The following CORIN variants were observed in gnomAD, a reference collection of about 807,000 sequenced individuals.
CORIN encodes the protein atrial natriuretic peptide-converting enzyme.
In CORIN, 117 loss-of-function variants were observed where a neutral mutation model predicts 125.3. That is an observed-to-expected ratio of 0.93 (90% CI 0.80 to 1.09). The LOEUF (loss-of-function observed/expected upper bound fraction) is 1.09. Among genes scored for constraint, CORIN ranks in the 50% least tolerant of loss-of-function variants. The pLI, the probability that CORIN is intolerant of heterozygous loss-of-function variation, is 0.00. For missense variants in CORIN, 1,253 were observed against 1,306.7 expected, an observed-to-expected ratio of 0.96 and a Z score of 0.63; for synonymous variants, 450 against 466.4, an observed-to-expected ratio of 0.96 and a Z score of 0.45.
At chr4:47,607,705 A>G (rs1409457738) in intron 19 of CORIN, among the ~76,000 whole-genome samples, 1 of 152,196 alleles carries the variant, frequency 6.6e-6, no homozygotes, top group Non-Finnish European at 1.5e-5. Flanking sequence ...AATGGCAAAG[A>G]CAGCCCTGTG....
intron 8 of CORIN, among the ~76,000 whole-genome samples, chr4:47,678,528 A>G (rs10008377): frequency 6.6e-6 from 1 of 152,192 alleles, no homozygotes; most frequent in East Asian, 1.9e-4. Flanking sequence ...TCTCAGCCCC[A>G]ATATTTCATT....
chr4:47,791,171 A>G (rs985667028), intron 2 of CORIN, among the ~76,000 whole-genome samples: 1 of 152,168 alleles, frequency 6.6e-6, no homozygotes, highest in African/African-American at 2.4e-5. Context: ...GGTGAGCCCA[A>G]TGTAATCACA....
intron 4 of CORIN, among the ~76,000 whole-genome samples, chr4:47,746,375 A>G (rs1728664505): frequency 1.3e-5 from 2 of 152,208 alleles, no homozygotes; most frequent in Admixed American, 1.3e-4. Context: ...ACAAATAAGG[A>G]AAGAAGCACA....
intron 3 of CORIN, among the ~76,000 whole-genome samples, chr4:47,778,617 C>A (rs1319688135): frequency 2.6e-5 from 4 of 152,212 alleles, no homozygotes; most frequent in African/African-American, 9.6e-5. Context: ...AGAATGCTGA[C>A]AACCAAACAA....
At chr4:47,729,259 T>C (rs1028410391) in intron 5 of CORIN, among the ~76,000 whole-genome samples, 7 of 152,334 alleles carry the variant, frequency 4.6e-5, no homozygotes, top group African/African-American at 1.2e-4. Flanking sequence ...AAATGTTAAA[T>C]ACCAGAAAAG....
chr4:47,595,314 G>C lies in CORIN; in HGVS notation c.*407C>G, dbSNP rs1163697726. The C allele has an allele frequency of 6.5e-6, 1 of 153,474 alleles. No individual in the cohort carries two copies. Among genetic ancestry groups the C allele is most frequent in the Non-Finnish European group, 1.5e-5 (1 of 68,954 alleles). The allele number at this position is 153,474 out of a possible 1,614,324, so 9.5% of individuals were successfully genotyped here. Reference sequence around the variant, plus strand: ...ATTTACCACTATGCACTGAGCTTGAGAAACAAAAACTGGTAGAGATAATTA... The same window carrying C: ...ATTTACCACTATGCACTGAGCTTGACAAACAAAAACTGGTAGAGATAATTA... On this transcript the variant is annotated 3_prime_UTR_variant, in exon 22 of 22. Coordinates refer to ENST00000273857, the MANE Select transcript of CORIN (RefSeq NM_006587.4).
intron 13 of CORIN, among the ~76,000 whole-genome samples, chr4:47,646,206 T>C (rs1248152133): frequency 6.6e-6 from 1 of 152,220 alleles, no homozygotes; most frequent in Non-Finnish European, 1.5e-5. Flanking sequence ...TAAGCAAATA[T>C]GCCAAAGTCT....
chr4:47,635,008 T>C (rs1217585681), intron 16 of CORIN, among the ~76,000 whole-genome samples: 2 of 152,236 alleles, frequency 1.3e-5, no homozygotes, highest in Non-Finnish European at 2.9e-5. Flanking sequence ...TCAGTTTGTA[T>C]GTTAGTTTTA....
intron 19 of CORIN, among the ~76,000 whole-genome samples, chr4:47,605,204 A>G (rs1721604393): frequency 6.6e-6 from 1 of 151,960 alleles, no homozygotes; most frequent in Admixed American, 6.6e-5. Context: ...TTCTTCTCAT[A>G]CTATCCATTG....
At chr4:47,676,504 T>C (rs1725024040) in intron 9 of CORIN, among the ~76,000 whole-genome samples, 1 of 152,200 alleles carries the variant, frequency 6.6e-6, no homozygotes, top group African/African-American at 2.4e-5. Context: ...CTTCTTAGCC[T>C]CTGTTGCTGC....
intron 4 of CORIN, among the ~76,000 whole-genome samples, chr4:47,759,670 G>A (rs1237210057): frequency 2.6e-5 from 4 of 152,078 alleles, no homozygotes; most frequent in Non-Finnish European, 5.9e-5. Flanking sequence ...TCCCACCACT[G>A]CTTTATCAAA....
Position 47,830,701 on chromosome 4 carries a change from T to C in CORIN, c.63+7186A>G, listed in dbSNP as rs57834205. Among the ~76,000 whole-genome samples, 812 of 152,304 alleles carry C rather than the reference T, an allele frequency of 5.3e-3. 7 individuals carry two copies. The highest frequency in any genetic ancestry group is 0.019 in the African/African-American group (784 of 41,546). ...GCTATGGCTTTCACTTCTTGGGAAGTTGTGGTGCTATTACCAGAAAAATTC... is the reference window on the plus strand; with the variant it reads ...GCTATGGCTTTCACTTCTTGGGAAGCTGTGGTGCTATTACCAGAAAAATTC... On this transcript the variant is annotated intron_variant, in intron 1 of 21. Coordinates refer to ENST00000273857, the MANE Select transcript of CORIN (RefSeq NM_006587.4).
chr4:47,597,310 C>T (rs1305089770), intron 21 of CORIN, among the ~76,000 whole-genome samples: 1 of 150,668 alleles, frequency 6.6e-6, no homozygotes, highest in Non-Finnish European at 1.5e-5. Context: ...TGAGATCACA[C>T]CACTGCACTC....
intron 19 of CORIN, among the ~76,000 whole-genome samples, chr4:47,617,222 T>C (rs1434012982): frequency 6.6e-6 from 1 of 152,212 alleles, no homozygotes; most frequent in Non-Finnish European, 1.5e-5. Context: ...CTGATTGTGT[T>C]AGATGCTCAT....
chr4:47,830,681 G>A (rs1732945372), intron 1 of CORIN, among the ~76,000 whole-genome samples: 1 of 152,162 alleles, frequency 6.6e-6, no homozygotes, highest in Admixed American at 6.5e-5. Flanking sequence ...GTCTAGCTAT[G>A]GCTTTCACTT....
rs115601651 is a variant in CORIN at position 47,817,396 on chromosome 4, G to T, written c.64-10349C>A. On this transcript the variant is annotated intron_variant, in intron 1 of 21. Transcript: ENST00000273857. Reference sequence around the variant, plus strand: ...TAGGGTAGAACAACACACATGGAGTGATTATTTCTTGATCTGGCACAGCAT... The same window carrying T: ...TAGGGTAGAACAACACACATGGAGTTATTATTTCTTGATCTGGCACAGCAT... Among the ~76,000 whole-genome samples the T allele has an allele frequency of 7.5e-3, 1,140 of 152,160 alleles. 5 individuals are homozygous for T. Among genetic ancestry groups the T allele is most frequent in the Non-Finnish European group, 0.013 (878 of 68,010 alleles).
intron 9 of CORIN, 144 bp downstream of exon 9, chr4:47,677,794 A>G (rs1725093605): frequency 1.6e-6 from 1 of 621,150 alleles, no homozygotes; most frequent in Admixed American, 2.7e-5. Context: ...TTCCTGGCTG[A>G]CTAGGGCTGT....
At chr4:47,824,807 G>A (rs895415383) in intron 1 of CORIN, among the ~76,000 whole-genome samples, 1 of 152,180 alleles carries the variant, frequency 6.6e-6, no homozygotes, top group African/African-American at 2.4e-5. Context: ...AAACTCTCAA[G>A]TTTGTCCTAA....
At chr4:47,819,371 G>C (rs1371832866) in intron 1 of CORIN, among the ~76,000 whole-genome samples, 1 of 152,098 alleles carries the variant, frequency 6.6e-6, no homozygotes, top group Non-Finnish European at 1.5e-5. Context: ...AAAGCAAACT[G>C]AGCAAAAATT....
Sources: allele counts gnomAD v4.1 joint callset (sites outside exome capture counted in the v4.1 genomes callset), GRCh38; gene constraint gnomAD v4.1.1; transcripts MANE v1.5; gene names NCBI Gene and HGNC (gene_info 2026-07-23, HGNC 2026-07-21).